Variants in MYLK4 observed in about 807,000 individuals in gnomAD.
MYLK4 encodes myosin light chain kinase family member 4, also known as caMLCK like.
A neutral mutation model predicts 48.1 loss-of-function variants in MYLK4; 46 were observed. The ratio of observed to expected loss-of-function variants is 0.96; its 90% CI spans 0.75 to 1.22. The LOEUF is 1.22. Ranked by LOEUF, MYLK4 falls within the 50% of genes most tolerant of loss-of-function variation. The probability of loss-of-function intolerance (pLI) is 0.00; values close to 1 mark genes in which losing one functional copy is unlikely to be tolerated. For missense variants in MYLK4, 451 were observed against 486.1 expected (o/e 0.93, Z 0.68); for synonymous variants, 170 against 180.8 (o/e 0.94, Z 0.48).
chr6:2,698,294 G>C (rs746635438), intron 2 of MYLK4, among the ~76,000 whole-genome samples: 1 of 152,190 alleles, frequency 6.6e-6, no homozygotes, highest in Non-Finnish European at 1.5e-5. Flanking sequence ...CTACTGCCAG[G>C]CTCAAGTGTT....
the MYLK4 span, among the ~76,000 whole-genome samples, chr6:2,761,535 A>C: frequency 6.6e-6 from 1 of 152,204 alleles, no homozygotes; most frequent in African/African-American, 2.4e-5. Context: ...AAAAAATATT[A>C]CTACAGGACC....
At chr6:2,680,789 G>A (rs986196947) in intron 7 of MYLK4, among the ~76,000 whole-genome samples, 6 of 152,268 alleles carry the variant, frequency 3.9e-5, no homozygotes, top group East Asian at 3.9e-4. Flanking sequence ...TTTGCTCAAC[G>A]CCTATGGGAA....
chr6:2,685,246 G>T lies in MYLK4; in HGVS notation c.545+50C>A. On this transcript the variant is annotated intron_variant, in intron 6 of 12. Transcript: ENST00000274643. This position sits in a 1 kb window ranked among gnomAD's most constrained non-coding sequence, Gnocchi z 4.5. Reference sequence around the variant, plus strand: ...ACGGAGCTACTGAGGCACGGTCACGGTCATGAGTGCCCTTGGGGAGGTCAG... The same window carrying T: ...ACGGAGCTACTGAGGCACGGTCACGTTCATGAGTGCCCTTGGGGAGGTCAG... 7.1e-7 allele frequency: 1 copy of T among 1,404,430 alleles called. No homozygotes were observed. The highest frequency in any genetic ancestry group is 1.0e-6 in the Non-Finnish European group (1 of 992,734). 87.0% of individuals were successfully genotyped at this position (1,404,430 alleles called of 1,614,324 possible).
intron 2 of MYLK4, among the ~76,000 whole-genome samples, chr6:2,740,018 G>T (rs1373561094): frequency 1.3e-5 from 2 of 152,222 alleles, no homozygotes; most frequent in Non-Finnish European, 2.9e-5. Context: ...TGAACAGGAT[G>T]TTTAACTGTG....
chr6:2,764,869 C>T, the MYLK4 span, among the ~76,000 whole-genome samples: 21 of 151,876 alleles, frequency 1.4e-4, no homozygotes, highest in African/African-American at 3.9e-4. Context: ...GTGAGCATTT[C>T]TTTCACTCGC....
At chr6:2,767,073 G>GT in the MYLK4 span, among the ~76,000 whole-genome samples, 1 of 152,060 alleles carries the variant, frequency 6.6e-6, no homozygotes, top group African/African-American at 2.4e-5. Context: ...CGGTATTTCC[G>GT]TAACTTTTCT....
rs147476992 is a variant in MYLK4, at chr6:2,716,650, A to T, written c.160-23791T>A. On this transcript the variant is annotated intron_variant, in intron 2 of 12. Transcript: ENST00000274643. ...CCTTACAACCTAGTAGGGGAAACTG[A>T]TCCACACATTATCAGTTACCATGTG... is the stretch of plus-strand genomic sequence containing the variant. 2.0e-3 allele frequency among the ~76,000 whole-genome samples: 306 copies of T among 152,282 alleles called. 1 individual carries two copies. Among genetic ancestry groups the T allele is most frequent in the African/African-American group, 6.6e-3 (273 of 41,554 alleles).
At position 2,665,136 on chromosome 6, in the gene MYLK4, G is replaced by C. The variant is rs902508110; in HGVS notation, c.*2789C>G. On this transcript the variant is annotated 3_prime_UTR_variant, in exon 13 of 13. Transcript: ENST00000274643. Reference sequence around the variant, plus strand: ...CCTCCCAAATCCTAATGACCTGTTGGAAAAATTGATCTCCATAGCCCTGGT... The same window carrying C: ...CCTCCCAAATCCTAATGACCTGTTGCAAAAATTGATCTCCATAGCCCTGGT... 18 of 152,208 alleles carry C rather than the reference G, an allele frequency of 1.2e-4. No individual in the cohort carries two copies. The highest frequency in any genetic ancestry group is 4.1e-4 in the African/African-American group (17 of 41,446). The allele number at this position is 152,208 out of a possible 1,614,324, so 9.4% of individuals were successfully genotyped here. A position where few individuals can be genotyped will look rare whatever the true frequency, so the allele number is the denominator to read the frequency against.
chr6:2,744,071 T>C (rs1197013437), intron 2 of MYLK4: 3 of 398,930 alleles, frequency 7.5e-6, no homozygotes, highest in African/African-American at 2.1e-5. Context: ...GCTTGGCTTA[T>C]ATGTTCCTTC....
At chr6:2,726,070 C>T (rs1255399479) in intron 2 of MYLK4, among the ~76,000 whole-genome samples, 2 of 152,166 alleles carry the variant, frequency 1.3e-5, no homozygotes, top group East Asian at 1.9e-4. Context: ...TGGCCAACAG[C>T]GCTGAGTCGT....
chr6:2,709,679 T>C (rs768477222), intron 2 of MYLK4, among the ~76,000 whole-genome samples: 1 of 152,242 alleles, frequency 6.6e-6, no homozygotes, highest in Non-Finnish European at 1.5e-5. Context: ...ACAGATTGAA[T>C]TGAGTTGAGA....
At chr6:2,714,426 T>C (rs1158692821) in intron 2 of MYLK4, among the ~76,000 whole-genome samples, 1 of 152,350 alleles carries the variant, frequency 6.6e-6, no homozygotes, top group East Asian at 1.9e-4. Flanking sequence ...CCCCACACAT[T>C]GCACTCTGGA....
chr6:2,714,232 G>A (rs1028515240), intron 2 of MYLK4, among the ~76,000 whole-genome samples: 4 of 152,182 alleles, frequency 2.6e-5, no homozygotes, highest in African/African-American at 9.7e-5. Context: ...TTGCTCATTA[G>A]CATAACACAT....
chr6:2,690,823 C>CTTTTTTTTTT lies in MYLK4; in HGVS notation c.236-1877_236-1868dup, dbSNP rs35133716. 2.6e-4 allele frequency among the ~76,000 whole-genome samples: 23 copies of CTTTTTTTTTT among 88,850 alleles called. 1 individual carries two copies. Among genetic ancestry groups the CTTTTTTTTTT allele is most frequent in the East Asian group, 1.1e-3 (3 of 2,740 alleles). 58.3% of individuals were successfully genotyped at this position (88,850 alleles called of 152,430 possible). On this transcript the variant is annotated intron_variant, in intron 3 of 12. Transcript: ENST00000274643. The stretch of plus-strand genomic sequence containing the variant: ...AAAAGAAGCAATAATCTCTCTGAAT[C>CTTTTTTTTTT]TTTTTTTTTTTTTTTTTTTTTTTTG...
At chr6:2,746,258 C>T (rs2113375097) in intron 2 of MYLK4, among the ~76,000 whole-genome samples, 1 of 150,172 alleles carries the variant, frequency 6.7e-6, no homozygotes, top group Non-Finnish European at 1.5e-5. Flanking sequence ...CAGAGCAAGA[C>T]TCCGTCTCAA....
At chr6:2,681,299 T>C (rs888874759) in intron 7 of MYLK4, among the ~76,000 whole-genome samples, 2 of 152,214 alleles carry the variant, frequency 1.3e-5, no homozygotes, top group African/African-American at 4.8e-5. Flanking sequence ...TGAAATGACA[T>C]AATGTCTCCT....
intron 10 of MYLK4, among the ~76,000 whole-genome samples, chr6:2,677,081 C>T (rs991439650): frequency 1.3e-5 from 2 of 152,124 alleles, no homozygotes; most frequent in African/African-American, 2.4e-5. Flanking sequence ...TCCCTCCTGT[C>T]GGACTGATAC....
In MYLK4 at chr6:2,685,660, C is replaced by A; in HGVS notation, c.342-84G>T. ...GCGCACAGTGGCCCCAGTATTTCTC[C>A]TGCTGAGTCTGGATGAGCAGCCCTC... On this transcript the variant is annotated intron_variant, in intron 4 of 12. Transcript: ENST00000274643. The surrounding 1 kb of genome is among the most constrained non-coding windows in gnomAD (Gnocchi z 4.5). The A allele has an allele frequency of 8.0e-7, 1 of 1,251,022 alleles. No homozygotes were observed. The highest frequency in any genetic ancestry group is 1.3e-5 in the South Asian group (1 of 79,876). 77.5% of individuals were successfully genotyped at this position (1,251,022 alleles called of 1,614,324 possible).
intron 2 of MYLK4, among the ~76,000 whole-genome samples, chr6:2,698,518 C>T (rs1051191555): frequency 2.0e-5 from 3 of 152,186 alleles, no homozygotes; most frequent in Non-Finnish European, 2.9e-5. Context: ...CCCTGAATAA[C>T]AGTTTTGCAT....
Sources: gnomAD v4.1 joint callset for allele counts (sites outside exome capture counted in the v4.1 genomes callset) on GRCh38, gnomAD v4.1.1 for gene constraint, Gnocchi (gnomAD v3.1) non-coding constraint, MANE v1.5 for transcripts, NCBI Gene and HGNC (gene_info 2026-07-23, HGNC 2026-07-21) for gene names.